Variants in PARP6 observed in about 807,000 individuals in gnomAD.
PARP6 encodes the protein protein mono-ADP-ribosyltransferase PARP6.
In PARP6, 27 loss-of-function variants were observed where a neutral mutation model predicts 92.0. The observed-to-expected ratio is 0.29, with a 90% CI of 0.22 to 0.40. The LOEUF (loss-of-function observed/expected upper bound fraction) is 0.40. PARP6 is among the 10% of genes least tolerant of loss of function. The pLI is 1.00. For synonymous variants in PARP6, 272 were observed against 281.2 expected (o/e 0.97, Z 0.33); for missense variants, 501 against 784.5 (o/e 0.64, Z 4.32).
chr15:72,257,799 T>C (rs189394249), intron 12 of PARP6, among the ~76,000 whole-genome samples: 3 of 152,348 alleles, frequency 2.0e-5, no homozygotes, highest in Admixed American at 6.5e-5. Context: ...TCTTGGTCAA[T>C]ATCTGATCCC....
chr15:72,258,435 T>C (rs1271517684), intron 11 of PARP6, among the ~76,000 whole-genome samples: 1 of 152,242 alleles, frequency 6.6e-6, no homozygotes, highest in Non-Finnish European at 1.5e-5. Context: ...TCTTTGTTTA[T>C]ATAGCACAGC....
intron 7 of PARP6, 55 bp from the exon 8 acceptor site, chr15:72,264,676 T>C (rs186989832): frequency 1.4e-6 from 2 of 1,415,068 alleles, no homozygotes; most frequent in Non-Finnish European, 2.0e-6. Flanking sequence ...CTTCCTGGAG[T>C]CCAAAGCTCA....
chr15:72,264,686 A>C, intron 7 of PARP6, 65 bp from the exon 8 acceptor site: 1 of 1,250,942 alleles, frequency 8.0e-7, no homozygotes, highest in Non-Finnish European at 1.2e-6. Flanking sequence ...TCCAAAGCTC[A>C]GTGGAATAGC....
In PARP6 at chr15:72,260,672, T is replaced by C. The variant is rs201870693; in HGVS notation, c.562A>G (p.Ile188Val). 8.7e-6 allele frequency: 14 copies of C among 1,613,478 alleles called. No individual in the cohort carries two copies. The highest frequency in any genetic ancestry group is 6.7e-5 in the East Asian group (3 of 44,882). ...SPIPKSPSFP[I>V]IQDSMLKGKL... ...CCTTTCAGCATGGAGTCCTGTATGA[T>C]AGGGAAACTGGGAGACCTGCAGAGA... The change falls in exon 10 of 24, where the codon ATC becomes GTC. Residue 188 changes from isoleucine to valine, a missense_variant. This residue lies in a region of PARP6 where 291 missense variants were observed against 352.0 expected (regional missense o/e 0.83). Transcript: ENST00000569795.
At chr15:72,262,510 A>G (rs1465913856) in intron 8 of PARP6, among the ~76,000 whole-genome samples, 1 of 152,190 alleles carries the variant, frequency 6.6e-6, no homozygotes, top group Non-Finnish European at 1.5e-5. Context: ...AAAGTCAACA[A>G]AAGATGTCAA....
rs986972354 is a variant in PARP6, at chr15:72,241,818, AAT to A, written c.1790+81_1790+82del. The A allele has an allele frequency of 1.6e-4, 169 of 1,035,298 alleles. No individual in the cohort carries two copies. Among genetic ancestry groups the A allele is most frequent in the Non-Finnish European group, 4.9e-5 (32 of 657,372 alleles). The allele number at this position is 1,035,298 out of a possible 1,614,324, so 64.1% of individuals were successfully genotyped here. On this transcript the variant is annotated intron_variant, in intron 23 of 23. Transcript: ENST00000569795. This position sits in a 1 kb window ranked among gnomAD's most constrained non-coding sequence, Gnocchi z 4.1. ...CCAAGGACATGTCTCAGATAACAGA[AAT>A]AGACTTTTCCCAGTAGCCACACACC...
chr15:72,247,068 C>G (rs2083708173), intron 20 of PARP6, among the ~76,000 whole-genome samples: 1 of 151,906 alleles, frequency 6.6e-6, no homozygotes, highest in African/African-American at 2.4e-5. Context: ...AAAAAGTACA[C>G]TTTTATTACT....
At chr15:72,253,174 C>CA (rs11300145) in intron 16 of PARP6, among the ~76,000 whole-genome samples, 30 of 134,394 alleles carry the variant, frequency 2.2e-4, no homozygotes, top group East Asian at 1.1e-3. Flanking sequence ...GACCCTATCT[C>CA]AAAAAAAAAA....
Position 72,265,119 on chromosome 15 carries a change from C to T in PARP6, c.290G>A (p.Arg97Lys). 1 of 1,613,878 alleles carries T rather than the reference C, an allele frequency of 6.2e-7. No individual in the cohort carries two copies. The change falls in exon 7 of 24, where the codon AGG becomes AAG. Residue 97 changes from arginine (R) to lysine (K), a missense_variant. By Grantham distance (26) the Arg-to-Lys change is conservative. This residue lies in a region of PARP6 where 291 missense variants were observed against 352.0 expected (regional missense o/e 0.83). Coordinates refer to ENST00000569795, the MANE Select transcript of PARP6 (RefSeq NM_001323532.2). The part of the protein sequence containing the change: ...KVLRTEPIVL[R>K]LRFSLSQYLD... ...GTACTGGGAGAGAGAAAATCGCAGC[C>T]TCAACACAATAGGTTCTGTCCGGAG...
At chr15:72,252,716 CT>C (rs2084536912) in intron 16 of PARP6, among the ~76,000 whole-genome samples, 2 of 152,300 alleles carry the variant, frequency 1.3e-5, no homozygotes, top group South Asian at 4.1e-4. Context: ...AACTCCCAAC[CT>C]CAGGTGATCC....
At position 72,272,394 on chromosome 15, in the gene PARP6, T is replaced by C. The variant is rs1166606376; in HGVS notation, c.-461A>G. 1.3e-5 allele frequency: 2 copies of C among 152,494 alleles called. No homozygotes were observed. Among genetic ancestry groups the C allele is most frequent in the African/African-American group, 4.8e-5 (2 of 41,442 alleles). The allele number at this position is 152,494 out of a possible 1,614,324, so 9.4% of individuals were successfully genotyped here. ...AACCTCCCGGTCCAAGCCTCTCACTTCGTCCACCCCTGCGGAGACGGGGCG... is the reference window on the plus strand; with the variant it reads ...AACCTCCCGGTCCAAGCCTCTCACTCCGTCCACCCCTGCGGAGACGGGGCG... On this transcript the variant is annotated splice_region_variant and 5_prime_UTR_variant, in exon 1 of 24. Coordinates refer to ENST00000569795, the MANE Select transcript of PARP6 (RefSeq NM_001323532.2).
At chr15:72,266,866 T>C in intron 3 of PARP6, 44 bp from the exon 4 acceptor site, 2 of 1,456,928 alleles carry the variant, frequency 1.4e-6, no homozygotes, top group African/African-American at 1.4e-5. Flanking sequence ...TAGGTCCCTA[T>C]TATCCCATGG....
intron 10 of PARP6, 84 bp from the exon 11 acceptor site, chr15:72,259,745 A>T: frequency 8.5e-7 from 1 of 1,178,236 alleles, no homozygotes; most frequent in South Asian, 1.3e-5. Flanking sequence ...ATCACCTAGG[A>T]CTCTCCTAAA....
chr15:72,266,027 G>A, intron 4 of PARP6, 36 bp from the exon 5 acceptor site: 1 of 1,308,886 alleles, frequency 7.6e-7, no homozygotes, highest in Non-Finnish European at 1.1e-6. Context: ...GGAGAGAGGT[G>A]GAAAAAGACG....
At chr15:72,246,626 A>G (rs1353361900) in intron 20 of PARP6, among the ~76,000 whole-genome samples, 1 of 152,166 alleles carries the variant, frequency 6.6e-6, no homozygotes, top group Non-Finnish European at 1.5e-5. Context: ...TAGTTTTCAC[A>G]CACACACACA....
chr15:72,270,560 T>C (rs1445291357), intron 2 of PARP6, among the ~76,000 whole-genome samples: 1 of 152,180 alleles, frequency 6.6e-6, no homozygotes, highest in Non-Finnish European at 1.5e-5. Flanking sequence ...TATAGGGCCT[T>C]CATCTTCCCA....
At chr15:72,270,776 A>G (rs1375658637) in intron 2 of PARP6, among the ~76,000 whole-genome samples, 1 of 152,004 alleles carries the variant, frequency 6.6e-6, no homozygotes, top group East Asian at 1.9e-4. Context: ...TCCCAGCTTT[A>G]TTTTTTTCCA....
chr15:72,253,600 G>T, intron 15 of PARP6, 96 bp from the exon 16 acceptor site: 1 of 1,015,496 alleles, frequency 9.8e-7, no homozygotes, highest in Non-Finnish European at 1.5e-6. Context: ...CCAGGGCAAG[G>T]TAGGCACCAA....
intron 10 of PARP6, 68 bp downstream of exon 10, chr15:72,260,410 A>C: frequency 7.6e-7 from 1 of 1,309,146 alleles, no homozygotes; most frequent in Non-Finnish European, 1.1e-6. Flanking sequence ...CATTTTGAGA[A>C]ACTACACTCC....
Sources: allele counts gnomAD v4.1 joint callset (sites outside exome capture counted in the v4.1 genomes callset), GRCh38; gene constraint gnomAD v4.1.1; regional missense constraint gnomAD v4.1.1; non-coding constraint Gnocchi (gnomAD v3.1); transcripts MANE v1.5; gene names NCBI Gene and HGNC (gene_info 2026-07-23, HGNC 2026-07-21).